The following ZSWIM8 variants were observed in gnomAD, a reference collection of about 807,000 sequenced individuals.
ZSWIM8 encodes the protein zinc finger SWIM-type containing 8.
ZSWIM8 carries 27 observed loss-of-function variants against 173.7 expected under a neutral mutation model. The ratio of observed to expected loss-of-function variants is 0.16; its 90% CI spans 0.11 to 0.21. ZSWIM8 has a LOEUF of 0.21. ZSWIM8 is among the 10% of genes least tolerant of loss of function. The pLI, the probability that ZSWIM8 is intolerant of heterozygous loss-of-function variation, is 1.00. For synonymous variants in ZSWIM8, 958 were observed against 962.0 expected (o/e 1.00, Z 0.08); for missense variants, 1,627 against 2,428.8 (o/e 0.67, Z 6.94).
intron 1 of ZSWIM8, 43 bp from the exon 2 acceptor site, chr10:73,788,627 T>C: frequency 1.2e-6 from 2 of 1,605,864 alleles, no homozygotes; most frequent in Non-Finnish European, 1.7e-6. Flanking sequence ...GCCCTTTTCA[T>C]TTCCTATTCT....
Position 73,801,733 on chromosome 10 carries a change from G to A in ZSWIM8, c.*214G>A, listed in dbSNP as rs776084311. 30 of 1,527,776 alleles carry A rather than the reference G, an allele frequency of 2.0e-5. No individual in the cohort carries two copies. Among genetic ancestry groups the A allele is most frequent in the Middle Eastern group, 1.7e-4 (1 of 5,974 alleles). 94.6% of individuals were successfully genotyped at this position (1,527,776 alleles called of 1,614,324 possible). On this transcript the variant is annotated 3_prime_UTR_variant, in exon 26 of 26. Transcript: ENST00000604729. The surrounding 1 kb of genome is among the most constrained non-coding windows in gnomAD (Gnocchi z 4.9). ...GAGACAGCCCTGTCTGGGAGGGGGC[G>A]TTGGGTGGCCTCTGGTATTTATTTG...
chr10:73,793,535 C>G (rs1019210569), intron 10 of ZSWIM8, 53 bp from the exon 11 acceptor site: 1 of 1,525,578 alleles, frequency 6.6e-7, no homozygotes, highest in East Asian at 2.3e-5. Flanking sequence ...GCATGATGTC[C>G]TGCTCCTGGA....
Position 73,799,279 on chromosome 10 carries a change from CAGT to C in ZSWIM8, c.4455_4457del (p.Val1487del). ...GCGGCAGCAGTGACAGCAGCAGCCA[CAGT>C]GGTGCCCGTCATATCGGTGGGGTCT... On this transcript the variant is annotated inframe_deletion, in exon 21 of 26. Transcript: ENST00000604729. The C allele has an allele frequency of 6.2e-7, 1 of 1,600,608 alleles. No individual in the cohort carries two copies. The highest frequency in any genetic ancestry group is 8.5e-7 in the Non-Finnish European group (1 of 1,173,964).
At position 73,799,266 on chromosome 10, in the gene ZSWIM8, ACAG is replaced by A. The variant is rs2083807958; in HGVS notation, c.4449_4451del (p.Ala1484del). 2 of 1,598,494 alleles carry A rather than the reference ACAG, an allele frequency of 1.3e-6. No homozygotes were observed. The highest frequency in any genetic ancestry group is 1.7e-4 in the Middle Eastern group (1 of 6,054). Reference sequence around the variant, plus strand: ...GGTTACAGTGGCAGCGGCAGCAGTGACAGCAGCAGCCACAGTGGTGCCCGTCAT... The same window carrying A: ...GGTTACAGTGGCAGCGGCAGCAGTGACAGCAGCCACAGTGGTGCCCGTCAT... On this transcript the variant is annotated inframe_deletion, in exon 21 of 26. Transcript: ENST00000604729.
Position 73,795,518 on chromosome 10 carries a change from ATAAGGTCCTCTTTCT to A in ZSWIM8, c.2909-20_2909-6del, listed in dbSNP as rs768649286. On this transcript the variant is annotated splice_polypyrimidine_tract_variant and splice_region_variant and intron_variant, in intron 14 of 25. Transcript: ENST00000604729. ...GGAATTATGACTACTCTCAATCCCC[ATAAGGTCCTCTTTCT>A]CGCAGGCATGAAGACAACAGTGAGC... The A allele has an allele frequency of 1.4e-5, 22 of 1,613,520 alleles. No homozygotes were observed. In the Admixed American group the frequency reaches 3.7e-4, roughly 27 times the overall value.
intron 21 of ZSWIM8, 188 bp from the exon 22 acceptor site, chr10:73,799,823 G>GAATC (rs1456564139): frequency 7.7e-6 from 5 of 652,494 alleles, no homozygotes; most frequent in African/African-American, 3.6e-5. Flanking sequence ...GCTGAGATGG[G>GAATC]AATCACTTGA....
intron 15 of ZSWIM8, chr10:73,796,507 A>G (rs1262390732): frequency 3.9e-6 from 2 of 515,626 alleles, no homozygotes; most frequent in African/African-American, 1.9e-5. Flanking sequence ...CAGAGGGCAT[A>G]AAGTCATTCA....
chr10:73,798,814 A>G (rs912445787), intron 20 of ZSWIM8, among the ~76,000 whole-genome samples, 188 bp from the exon 21 acceptor site: 2 of 152,170 alleles, frequency 1.3e-5, no homozygotes, highest in Non-Finnish European at 2.9e-5. Flanking sequence ...GTCTTGACTC[A>G]TTTTGGTCAG....
chr10:73,800,631 ATCTC>A lies in ZSWIM8; in HGVS notation c.5003-8_5003-5del. 6.2e-7 allele frequency: 1 copy of A among 1,613,174 alleles called. No individual in the cohort carries two copies. On this transcript the variant is annotated splice_polypyrimidine_tract_variant and splice_region_variant and intron_variant, in intron 23 of 25. Transcript: ENST00000604729. The surrounding 1 kb of genome is among the most constrained non-coding windows in gnomAD (Gnocchi z 4.1). ...CCGTACCATGTGCCCACCCTTATCT[ATCTC>A]CCAGGAATGCTGGCACTGGAGATGC...
Position 73,789,062 on chromosome 10 carries a change from T to C in ZSWIM8, c.363-34T>C, listed in dbSNP as rs765139143. The C allele has an allele frequency of 6.2e-7, 1 of 1,603,862 alleles. No individual in the cohort carries two copies. Among genetic ancestry groups the C allele is most frequent in the East Asian group, 2.2e-5 (1 of 44,516 alleles). ...ACAGGGTCTGCCAAAGGTTATTTGC[T>C]GAGTTGTGGCTGTGTCCTCTTCTTC... is the stretch of plus-strand genomic sequence containing the variant. On this transcript the variant is annotated intron_variant, in intron 2 of 25. Transcript: ENST00000604729. This position sits in a 1 kb window ranked among gnomAD's most constrained non-coding sequence, Gnocchi z 6.8.
rs1457800466 is a variant in ZSWIM8, at chr10:73,792,664, G to A, written c.2125G>A (p.Gly709Ser). The A allele has an allele frequency of 1.2e-6, 2 of 1,614,046 alleles. No homozygotes were observed. The highest frequency in any genetic ancestry group is 2.2e-5 in the South Asian group (2 of 91,086). The part of the protein sequence containing the change: ...QDDLPSTDES[G>S]NGLPKTKEAA... ...CGACCTCCCTTCTACAGATGAGAGTGGCAATGGGCTTCCCAAAACCAAAGA... is the reference window on the plus strand; with the variant it reads ...CGACCTCCCTTCTACAGATGAGAGTAGCAATGGGCTTCCCAAAACCAAAGA... Residue 709 changes from glycine to serine, a missense_variant, in exon 10 of 26, where the codon GGC becomes AGC. Gly to Ser is a moderately conservative substitution (Grantham distance 56). Around this residue, in one of 18 missense-constraint regions of ZSWIM8, gnomAD observed 383 missense variants for 394.8 expected, o/e 0.97. Transcript: ENST00000604729. The surrounding 1 kb of genome is among the most constrained non-coding windows in gnomAD (Gnocchi z 4.3).
Position 73,798,988 on chromosome 10 carries a change from C to A in ZSWIM8, c.4177-14C>A. ...GGCCTTTCCCCCTTAACACTCTGTG[C>A]CCCTCTCTTCCAGGACAACCTGATG... On this transcript the variant is annotated splice_polypyrimidine_tract_variant and intron_variant, in intron 20 of 25. Coordinates refer to ENST00000604729, the MANE Select transcript of ZSWIM8 (RefSeq NM_001367799.1). 1 of 1,596,794 alleles carries A rather than the reference C, an allele frequency of 6.3e-7. No individual in the cohort carries two copies.
chr10:73,788,496 C>T (rs1469344455), intron 1 of ZSWIM8, among the ~76,000 whole-genome samples, 174 bp from the exon 2 acceptor site: 3 of 152,260 alleles, frequency 2.0e-5, no homozygotes, highest in South Asian at 4.1e-4. Context: ...CCATATGGAG[C>T]CTTAAGGGTT....
At chr10:73,793,426 T>C (rs2083492484) in intron 10 of ZSWIM8, among the ~76,000 whole-genome samples, 162 bp from the exon 11 acceptor site, 1 of 152,122 alleles carries the variant, frequency 6.6e-6, no homozygotes, top group African/African-American at 2.4e-5. Flanking sequence ...CACGGTGGCA[T>C]GTGTGTTTAT....
chr10:73,801,755 T>C lies in ZSWIM8; in HGVS notation c.*236T>C. On this transcript the variant is annotated 3_prime_UTR_variant, in exon 26 of 26. Transcript: ENST00000604729. The surrounding 1 kb of genome is among the most constrained non-coding windows in gnomAD (Gnocchi z 4.9). ...GGCGTTGGGTGGCCTCTGGTATTTATTTGGCATTTATAAATATATAAACTC... is the reference window on the plus strand; with the variant it reads ...GGCGTTGGGTGGCCTCTGGTATTTACTTGGCATTTATAAATATATAAACTC... The C allele has an allele frequency of 1.3e-6, 2 of 1,506,118 alleles. No homozygotes were observed. The highest frequency in any genetic ancestry group is 8.8e-7 in the Non-Finnish European group (1 of 1,131,584). The allele number at this position is 1,506,118 out of a possible 1,614,324, so 93.3% of individuals were successfully genotyped here. A position where few individuals can be genotyped will look rare whatever the true frequency, so the allele number is the denominator to read the frequency against.
At position 73,798,274 on chromosome 10, in the gene ZSWIM8, G is replaced by A; in HGVS notation, c.3997G>A (p.Glu1333Lys). 1 of 1,614,054 alleles carries A rather than the reference G, an allele frequency of 6.2e-7. No individual in the cohort carries two copies. The highest frequency in any genetic ancestry group is 2.2e-5 in the East Asian group (1 of 44,888). ...IGSAALTILVECWDGHLTPPE... is the reference protein window; with the variant it reads ...IGSAALTILVKCWDGHLTPPE... Reference sequence around the variant, plus strand: ...CAGCGCAGCCCTGACTATACTGGTAGAATGCTGGGATGGGCACCTGACACC... The same window carrying A: ...CAGCGCAGCCCTGACTATACTGGTAAAATGCTGGGATGGGCACCTGACACC... Residue 1333 changes from glutamate (E) to lysine (K), a missense_variant, in exon 20 of 26, where the codon GAA becomes AAA. Around this residue, in one of 18 missense-constraint regions of ZSWIM8, gnomAD observed 95 missense variants for 271.3 expected, o/e 0.35. Coordinates refer to ENST00000604729, the MANE Select transcript of ZSWIM8 (RefSeq NM_001367799.1).
intron 20 of ZSWIM8, among the ~76,000 whole-genome samples, 164 bp downstream of exon 20, chr10:73,798,617 C>A (rs1401691144): frequency 6.6e-6 from 1 of 152,216 alleles, no homozygotes; most frequent in Non-Finnish European, 1.5e-5. Flanking sequence ...CTTTCACACC[C>A]ATCTTTCCTT....
Position 73,785,647 on chromosome 10 carries a change from C to T in ZSWIM8, c.-232C>T, listed in dbSNP as rs937291705. The T allele has an allele frequency of 1.2e-5, 7 of 606,752 alleles. 1 individual carries two copies. Among genetic ancestry groups the T allele is most frequent in the Non-Finnish European group, 1.9e-5 (6 of 321,536 alleles). 37.6% of individuals were successfully genotyped at this position (606,752 alleles called of 1,614,324 possible). On this transcript the variant is annotated 5_prime_UTR_variant, in exon 1 of 26. Transcript: ENST00000604729. The stretch of plus-strand genomic sequence containing the variant: ...CAGCCGCCGAGCGCTTCGTCCCGGC[C>T]CTAAGTCTCGGAGACTGGCCAAGAT...
At position 73,791,674 on chromosome 10, in the gene ZSWIM8, C is replaced by T. The variant is rs2083418614; in HGVS notation, c.1319+175C>T. Among the ~76,000 whole-genome samples, 1 of 152,166 alleles carries T rather than the reference C, an allele frequency of 6.6e-6. No homozygotes were observed. Among genetic ancestry groups the T allele is most frequent in the Non-Finnish European group, 1.5e-5 (1 of 68,036 alleles). ...AGTCCTTTTTCTGAGAGGCTTTCATCCTTCCTTCCCCTAAATAACACCCAC... is the reference window on the plus strand; with the variant it reads ...AGTCCTTTTTCTGAGAGGCTTTCATTCTTCCTTCCCCTAAATAACACCCAC... On this transcript the variant is annotated intron_variant, in intron 9 of 25. Transcript: ENST00000604729. The surrounding 1 kb of genome is among the most constrained non-coding windows in gnomAD (Gnocchi z 6.0).
Sources: allele counts gnomAD v4.1 joint callset (sites outside exome capture counted in the v4.1 genomes callset), GRCh38; gene constraint gnomAD v4.1.1; regional missense constraint gnomAD v4.1.1; non-coding constraint Gnocchi (gnomAD v3.1); transcripts MANE v1.5; gene names NCBI Gene and HGNC (gene_info 2026-07-23, HGNC 2026-07-21).